RBFOX1: variants seen among roughly 807,000 people sequenced by gnomAD.
The protein encoded by RBFOX1 is RNA binding protein fox-1 homolog 1.
A neutral mutation model predicts 57.7 loss-of-function variants in RBFOX1; 8 were observed. The observed-to-expected ratio is 0.14, with a 90% confidence interval of 0.08 to 0.25. RBFOX1 has a LOEUF of 0.25. Ranked by LOEUF, RBFOX1 falls within the 10% of genes least tolerant of loss-of-function variation. The pLI is 1.00. For synonymous variants in RBFOX1, 326 were observed against 222.4 expected (o/e 1.47, Z -4.15); for missense variants, 611 against 548.5 (o/e 1.11, Z -1.14).
intron 5 of RBFOX1, among the ~76,000 whole-genome samples, chr16:7,562,032 C>T (rs549723238): frequency 4.5e-4 from 69 of 152,092 alleles, no homozygotes; most frequent in African/African-American, 1.3e-3. Flanking sequence ...AAAAAAAATA[C>T]TGCAGGAGGA....
chr16:6,349,531 T>C (rs1477835636), intron 2 of RBFOX1, among the ~76,000 whole-genome samples: 1 of 152,246 alleles, frequency 6.6e-6, no homozygotes, highest in African/African-American at 2.4e-5. Flanking sequence ...AAAAGCTGAC[T>C]TCTTGACCTA....
At position 6,739,523 on chromosome 16, in the gene RBFOX1, GGAGAA is replaced by G. The variant is rs571876956; in HGVS notation, c.-16+84874_-16+84878del. Among the ~76,000 whole-genome samples the G allele has an allele frequency of 3.9e-4, 52 of 134,338 alleles. No homozygotes were observed. In the South Asian group the frequency reaches 0.012, roughly 31 times the overall value. 88.1% of individuals were successfully genotyped at this position (134,338 alleles called of 152,430 possible). A position where few individuals can be genotyped will look rare whatever the true frequency, so the allele number is the denominator to read the frequency against. ...AATCTCCGGTCTAAATGGTTTCACTGGAGAATTCTACCCATATTTTTAAAACATTT... is the reference window on the plus strand; with the variant it reads ...AATCTCCGGTCTAAATGGTTTCACTGTTCTACCCATATTTTTAAAACATTT... On this transcript the variant is annotated intron_variant, in intron 3 of 15. Coordinates refer to ENST00000550418, the MANE Select transcript of RBFOX1 (RefSeq NM_018723.4).
intron 1 of RBFOX1, among the ~76,000 whole-genome samples, chr16:6,200,540 C>T (rs1307152796): frequency 6.6e-6 from 1 of 152,040 alleles, no homozygotes. Context: ...ACAATATAAA[C>T]CATGGGACTT....
At chr16:7,136,770 G>A (rs760280232) in intron 4 of RBFOX1, among the ~76,000 whole-genome samples, 15 of 152,182 alleles carry the variant, frequency 9.9e-5, no homozygotes, top group Non-Finnish European at 2.1e-4. Flanking sequence ...TCATCAGGTG[G>A]ATAGTGGTTA....
intron 1 of RBFOX1, among the ~76,000 whole-genome samples, chr16:6,305,660 T>TC (rs957692786): frequency 6.6e-6 from 1 of 151,584 alleles, no homozygotes; most frequent in African/African-American, 2.4e-5. Flanking sequence ...CTTTTTTTTT[T>TC]TCCTGTATTA....
intron 5 of RBFOX1, among the ~76,000 whole-genome samples, chr16:7,540,144 A>G (rs1355605893): frequency 6.6e-6 from 1 of 152,180 alleles, no homozygotes; most frequent in Non-Finnish European, 1.5e-5. Flanking sequence ...TCCTCCTTTC[A>G]AAGGCTCACT....
At chr16:6,827,781 C>T (rs1275751305) in intron 3 of RBFOX1, among the ~76,000 whole-genome samples, 1 of 152,170 alleles carries the variant, frequency 6.6e-6, no homozygotes, top group African/African-American at 2.4e-5. Flanking sequence ...GTTAGTCTTT[C>T]CCTGGCCTTT....
chr16:7,491,389 G>T (rs1248026097), intron 4 of RBFOX1, among the ~76,000 whole-genome samples: 1 of 150,384 alleles, frequency 6.6e-6, no homozygotes, highest in African/African-American at 2.4e-5. Context: ...TTAAGATTCA[G>T]TCTGCTGAAG....
intron 2 of RBFOX1, among the ~76,000 whole-genome samples, chr16:5,543,116 G>A (rs756880366): frequency 1.3e-5 from 2 of 152,132 alleles, no homozygotes; most frequent in African/African-American, 2.4e-5. Flanking sequence ...TAAAGGGATC[G>A]AACTGTTTTC....
intron 4 of RBFOX1, among the ~76,000 whole-genome samples, chr16:7,245,306 T>C (rs1164132134): frequency 6.6e-6 from 1 of 152,242 alleles, no homozygotes; most frequent in African/African-American, 2.4e-5. Context: ...TTTTGTTTCC[T>C]GTACTCTTGA....
intron 4 of RBFOX1, among the ~76,000 whole-genome samples, chr16:7,156,072 A>G (rs1335091905): frequency 2.0e-5 from 3 of 151,980 alleles, no homozygotes; most frequent in Non-Finnish European, 2.9e-5. Flanking sequence ...GAGTTTCACC[A>G]TGTTGCTCAG....
intron 1 of RBFOX1, among the ~76,000 whole-genome samples, chr16:6,136,901 T>G (rs1277910892): frequency 6.6e-6 from 1 of 152,180 alleles, no homozygotes; most frequent in Non-Finnish European, 1.5e-5. Context: ...AAATGATCAT[T>G]TTTAATCAGT....
intron 3 of RBFOX1, among the ~76,000 whole-genome samples, chr16:5,718,410 C>T (rs1596941860): frequency 6.6e-6 from 1 of 152,160 alleles, no homozygotes; most frequent in East Asian, 1.9e-4. Flanking sequence ...TGAGTTAAGC[C>T]ACTGAGTTTT....
chr16:5,754,429 G>A (rs1365936113), intron 3 of RBFOX1, among the ~76,000 whole-genome samples: 1 of 151,788 alleles, frequency 6.6e-6, no homozygotes, highest in Non-Finnish European at 1.5e-5. Context: ...GGTGTTTCTC[G>A]TAAGGTGGGA....
At chr16:7,584,657 T>G (rs1463094448) in intron 6 of RBFOX1, among the ~76,000 whole-genome samples, 1 of 152,232 alleles carries the variant, frequency 6.6e-6, no homozygotes, top group African/African-American at 2.4e-5. Flanking sequence ...TGAATGCAGC[T>G]GAACATTGAT....
chr16:7,681,435 T>C (rs1200619560), intron 14 of RBFOX1, among the ~76,000 whole-genome samples: 1 of 152,196 alleles, frequency 6.6e-6, no homozygotes, highest in Non-Finnish European at 1.5e-5. Flanking sequence ...TGATTTCCAT[T>C]AGCGCAGGCT....
chr16:7,269,064 AAAAAAAG>A (rs2095252352), intron 4 of RBFOX1, among the ~76,000 whole-genome samples: 1 of 150,482 alleles, frequency 6.6e-6, no homozygotes, highest in Non-Finnish European at 1.5e-5. Flanking sequence ...AAAAAAAAAA[AAAAAAAG>A]AATCAGCCTC....
rs145969292 is a variant in RBFOX1 at position 5,528,807 on chromosome 16, G to C, written c.258+61553G>C. Among the ~76,000 whole-genome samples the C allele has an allele frequency of 1.5e-3, 228 of 151,972 alleles. 4 individuals are homozygous for C. Among genetic ancestry groups the C allele is most frequent in the Admixed American group, 0.013 (204 of 15,260 alleles). On this transcript the variant is annotated intron_variant, in intron 2 of 2. Coordinates refer to the RBFOX1 transcript ENST00000585867. ...TGGGACTATAGGTCTGCACCACCATGCTTGGCTAATTTTTGTATTTTTAGT... is the reference window on the plus strand; with the variant it reads ...TGGGACTATAGGTCTGCACCACCATCCTTGGCTAATTTTTGTATTTTTAGT...
At chr16:6,217,008 A>C (rs2097339889) in intron 1 of RBFOX1, among the ~76,000 whole-genome samples, 1 of 152,074 alleles carries the variant, frequency 6.6e-6, no homozygotes, top group Admixed American at 6.6e-5. Flanking sequence ...GAATTTCGGC[A>C]GTTCAAGTTC....
Sources: allele counts gnomAD v4.1 joint callset (sites outside exome capture counted in the v4.1 genomes callset), GRCh38; gene constraint gnomAD v4.1.1; transcripts MANE v1.5; gene names NCBI Gene and HGNC (gene_info 2026-07-23, HGNC 2026-07-21).